Variants in CKAP2L observed in about 807,000 individuals in gnomAD.
CKAP2L encodes cytoskeleton-associated protein 2-like.
CKAP2L carries 42 observed loss-of-function variants against 65.7 expected under a neutral mutation model. That is an observed-to-expected ratio of 0.64 (90% CI 0.50 to 0.83). The LOEUF is 0.83. Ranked by LOEUF, CKAP2L falls within the 40% of genes least tolerant of loss-of-function variation. The probability of loss-of-function intolerance (pLI) is 0.00; values close to 1 mark genes in which losing one functional copy is unlikely to be tolerated. For missense variants in CKAP2L, 908 were observed against 871.0 expected, an observed-to-expected ratio of 1.04 and a Z score of -0.53; for synonymous variants, 325 against 313.5, an observed-to-expected ratio of 1.04 and a Z score of -0.39.
intron 8 of CKAP2L, among the ~76,000 whole-genome samples, chr2:112,739,525 T>C (rs1050497152): frequency 2.0e-5 from 3 of 152,242 alleles, no homozygotes; most frequent in East Asian, 3.8e-4. Flanking sequence ...TGAAGTGTGG[T>C]TTTTATTTGA....
intron 7 of CKAP2L, chr2:112,742,408 T>G: frequency 1.4e-6 from 1 of 717,584 alleles, no homozygotes. Context: ...CCTTTCTGCC[T>G]CAGTCTCTTC....
intron 5 of CKAP2L, among the ~76,000 whole-genome samples, chr2:112,751,033 C>A (rs1680358573): frequency 1.3e-5 from 2 of 152,026 alleles, no homozygotes; most frequent in South Asian, 4.1e-4. Context: ...AAAGTTGACT[C>A]AAGATATATG....
chr2:112,750,107 T>C (rs1416578063), intron 5 of CKAP2L, among the ~76,000 whole-genome samples: 1 of 152,182 alleles, frequency 6.6e-6, no homozygotes, highest in Non-Finnish European at 1.5e-5. Flanking sequence ...TTCCTTACAG[T>C]TGGAGTCCCA....
rs146060251 is a variant in CKAP2L, at chr2:112,756,220, C to G, written c.1151G>C (p.Gly384Ala). 74 of 1,614,148 alleles carry G rather than the reference C, an allele frequency of 4.6e-5. No individual in the cohort carries two copies. The African/African-American group carries it at 9.6e-4, about 21-fold the overall frequency. ...AISQRPNLTV[G>A]RFNSAIPSTP... Reference sequence around the variant, plus strand: ...GCTTGGAATGGCTGAATTAAATCTGCCAACTGTCAAATTAGGCCTCTGGCT... The same window carrying G: ...GCTTGGAATGGCTGAATTAAATCTGGCAACTGTCAAATTAGGCCTCTGGCT... Residue 384 changes from glycine to alanine, a missense_variant, in exon 4 of 9, where the codon GGC (glycine) becomes GCC (alanine). Gly to Ala is a moderately conservative substitution (Grantham distance 60). Coordinates refer to ENST00000302450, the MANE Select transcript of CKAP2L (RefSeq NM_152515.5).
Position 112,737,757 on chromosome 2 carries a change from T to C in CKAP2L, c.*1066A>G, listed in dbSNP as rs139210200. 1 of 152,188 alleles carries C rather than the reference T, an allele frequency of 6.6e-6. No individual in the cohort carries two copies. The highest frequency in any genetic ancestry group is 1.5e-5 in the Non-Finnish European group (1 of 68,032). The allele number at this position is 152,188 out of a possible 1,614,324, so 9.4% of individuals were successfully genotyped here. Reference sequence around the variant, plus strand: ...GATCAAAGTCCATTCTCCTTGGTAATGAATGCTCCTTGTTTCTTAGGACAG... The same window carrying C: ...GATCAAAGTCCATTCTCCTTGGTAACGAATGCTCCTTGTTTCTTAGGACAG... On this transcript the variant is annotated 3_prime_UTR_variant, in exon 9 of 9. Transcript: ENST00000302450.
Position 112,746,558 on chromosome 2 carries a change from T to A in CKAP2L, c.1620A>T (p.Glu540Asp). 6.2e-7 allele frequency: 1 copy of A among 1,610,620 alleles called. No homozygotes were observed. Among genetic ancestry groups the A allele is most frequent in the Non-Finnish European group, 8.5e-7 (1 of 1,177,544 alleles). The change falls in exon 6 of 9, where the codon GAA becomes GAT. Residue 540 changes from glutamate (E) to aspartate (D), a missense_variant. By Grantham distance (45) the Glu-to-Asp change is conservative. Coordinates refer to ENST00000302450, the MANE Select transcript of CKAP2L (RefSeq NM_152515.5). ...NLIEGGVPSNEILNILSSIPE... is the reference protein window; with the variant it reads ...NLIEGGVPSNDILNILSSIPE... ...GAATGCTGGACAATATGTTAAGTAT[T>A]TCATTAGAAGGTACACCCTGAAATA... is the stretch of plus-strand genomic sequence containing the variant.
chr2:112,739,637 A>T (rs1336688472), intron 8 of CKAP2L, among the ~76,000 whole-genome samples: 1 of 152,192 alleles, frequency 6.6e-6, no homozygotes, highest in Non-Finnish European at 1.5e-5. Context: ...GGTTGAATTA[A>T]TGAATTCCAA....
intron 5 of CKAP2L, among the ~76,000 whole-genome samples, chr2:112,747,240 G>A (rs1680230253): frequency 6.6e-6 from 1 of 152,122 alleles, no homozygotes; most frequent in Non-Finnish European, 1.5e-5. Flanking sequence ...ACAGGCATGA[G>A]CCACTGAGCC....
At chr2:112,764,014 G>C (rs1279470547) in intron 1 of CKAP2L, 1 of 155,528 alleles carries the variant, frequency 6.4e-6, no homozygotes, top group Admixed American at 6.4e-5. Context: ...TTGAAAGGTA[G>C]GAAAGGGCTC....
intron 5 of CKAP2L, among the ~76,000 whole-genome samples, chr2:112,751,170 T>G (rs1440190506): frequency 1.3e-5 from 2 of 152,198 alleles, no homozygotes; most frequent in African/African-American, 4.8e-5. Flanking sequence ...AAAATAATTC[T>G]CATGTCATAC....
intron 4 of CKAP2L, among the ~76,000 whole-genome samples, chr2:112,753,548 G>A: frequency 4.0e-5 from 1 of 25,138 alleles, no homozygotes; most frequent in African/African-American, 1.3e-4. Flanking sequence ...TTTTTTTTTT[G>A]AGACAGTTTT....
chr2:112,742,085 C>T (rs528185584), intron 7 of CKAP2L, among the ~76,000 whole-genome samples: 3 of 152,008 alleles, frequency 2.0e-5, no homozygotes, highest in Non-Finnish European at 4.4e-5. Context: ...CTACCGTATG[C>T]AGCCTAAATC....
At chr2:112,746,621 GT>G in intron 5 of CKAP2L, 46 bp from the exon 6 acceptor site, 1 of 1,401,522 alleles carries the variant, frequency 7.1e-7, no homozygotes, top group Non-Finnish European at 9.9e-7. Flanking sequence ...CCATTTCACT[GT>G]TAGTCTCACA....
chr2:112,750,177 C>G lies in CKAP2L; in HGVS notation c.1602+2090G>C, dbSNP rs961682396. 4.6e-5 allele frequency among the ~76,000 whole-genome samples: 7 copies of G among 152,302 alleles called. 1 individual carries two copies. Among genetic ancestry groups the G allele is most frequent in the African/African-American group, 1.7e-4 (7 of 41,572 alleles). On this transcript the variant is annotated intron_variant, in intron 5 of 8. Coordinates refer to ENST00000302450, the MANE Select transcript of CKAP2L (RefSeq NM_152515.5). ...TCTGATACCCTAACCTCTCTTTGTT[C>G]TCCTAGACCCAGTGGGTACAAGCTG...
intron 6 of CKAP2L, among the ~76,000 whole-genome samples, chr2:112,743,184 C>T (rs1023441896): frequency 2.0e-5 from 3 of 152,008 alleles, no homozygotes; most frequent in Admixed American, 6.6e-5. Flanking sequence ...TTACTCTGTC[C>T]CAGGCTGGAG....
chr2:112,764,495 G>T, intron 1 of CKAP2L, 67 bp downstream of exon 1: 1 of 1,548,190 alleles, frequency 6.5e-7, no homozygotes, highest in Non-Finnish European at 8.9e-7. Flanking sequence ...GAACTCACTC[G>T]GTGGCCTCCT....
intron 7 of CKAP2L, among the ~76,000 whole-genome samples, chr2:112,741,947 T>G (rs1387069061): frequency 2.1e-5 from 3 of 144,714 alleles, no homozygotes; most frequent in Admixed American, 6.8e-5. Flanking sequence ...TCTGTTTTTT[T>G]TTTTTTTTTT....
At chr2:112,751,031 CT>C (rs1680358512) in intron 5 of CKAP2L, among the ~76,000 whole-genome samples, 2 of 152,056 alleles carry the variant, frequency 1.3e-5, no homozygotes, top group South Asian at 4.1e-4. Flanking sequence ...CTAAAGTTGA[CT>C]CAAGATATAT....
At chr2:112,759,626 G>A (rs1043055724) in intron 3 of CKAP2L, among the ~76,000 whole-genome samples, 1 of 152,210 alleles carries the variant, frequency 6.6e-6, no homozygotes. Context: ...TACTATACTG[G>A]TTCAATCTGC....
Sources: gnomAD v4.1 joint callset for allele counts (sites outside exome capture counted in the v4.1 genomes callset) on GRCh38, gnomAD v4.1.1 for gene constraint, MANE v1.5 for transcripts, NCBI Gene and HGNC (gene_info 2026-07-23, HGNC 2026-07-21) for gene names.